NLGN1: variants seen among roughly 807,000 people sequenced by gnomAD.
NLGN1 encodes the protein neuroligin-1.
Under a neutral mutation model 65.5 loss-of-function variants are expected in NLGN1, and 12 were observed. That is an observed-to-expected ratio of 0.18 (90% CI 0.12 to 0.30). NLGN1 has a LOEUF of 0.30. Among genes scored for constraint, NLGN1 ranks in the 10% least tolerant of loss-of-function variants. The pLI, the probability that NLGN1 is intolerant of heterozygous loss-of-function variation, is 1.00. For synonymous variants in NLGN1, 350 were observed against 359.5 expected (o/e 0.97, Z 0.30); for missense variants, 750 against 1,007.1 (o/e 0.74, Z 3.46).
At chr3:173,919,840 C>T (rs1246046548) in intron 4 of NLGN1, among the ~76,000 whole-genome samples, 1 of 151,996 alleles carries the variant, frequency 6.6e-6, no homozygotes. Context: ...AGAGAAGACT[C>T]ATTTTTCTTT....
intron 3 of NLGN1, among the ~76,000 whole-genome samples, chr3:173,616,526 T>G (rs962856098): frequency 1.3e-5 from 2 of 152,200 alleles, no homozygotes; most frequent in African/African-American, 4.8e-5. Context: ...CCGCTGAAGA[T>G]GTAGGCTTCA....
chr3:173,772,598 A>G (rs1779740721), intron 3 of NLGN1, among the ~76,000 whole-genome samples: 1 of 152,176 alleles, frequency 6.6e-6, no homozygotes, highest in Non-Finnish European at 1.5e-5. Flanking sequence ...AGCCTGGGCA[A>G]CAGGAGTGAG....
chr3:173,462,853 G>T (rs899016656), intron 2 of NLGN1, among the ~76,000 whole-genome samples: 16 of 152,166 alleles, frequency 1.1e-4, no homozygotes, highest in African/African-American at 3.4e-4. Flanking sequence ...ACAAATTCAA[G>T]AAAAGGTGTT....
chr3:174,005,118 C>T (rs1724096291), intron 4 of NLGN1, among the ~76,000 whole-genome samples: 1 of 152,108 alleles, frequency 6.6e-6, no homozygotes, highest in South Asian at 2.1e-4. Flanking sequence ...TTTGCCTCTT[C>T]AATGTACCTT....
At chr3:173,673,964 G>A (rs926679006) in intron 3 of NLGN1, among the ~76,000 whole-genome samples, 3 of 152,094 alleles carry the variant, frequency 2.0e-5, no homozygotes, top group East Asian at 1.9e-4. Flanking sequence ...CTTGGAGTAC[G>A]CCCTGTGTAA....
At chr3:173,758,181 G>T (rs1777420792) in intron 3 of NLGN1, among the ~76,000 whole-genome samples, 1 of 152,144 alleles carries the variant, frequency 6.6e-6, no homozygotes, top group East Asian at 1.9e-4. Context: ...ACAGGAAGAA[G>T]ATGCCTGTCT....
rs540654926 is a variant in NLGN1, at chr3:174,187,592, A to G, written c.647-87723A>G. Among the ~76,000 whole-genome samples the G allele has an allele frequency of 1.6e-4, 25 of 152,220 alleles. No homozygotes were observed. The South Asian group carries it at 5.2e-3, about 32-fold the overall frequency. On this transcript the variant is annotated intron_variant, in intron 4 of 6. Coordinates refer to ENST00000457714, the Ensembl canonical transcript of NLGN1. ...TGTTGGATTTAGACATAGAAAATGC[A>G]AAGTCAAAATCTGAAAAGAAGAGTA...
intron 2 of NLGN1, among the ~76,000 whole-genome samples, chr3:173,547,565 A>G (rs559978423): frequency 3.1e-4 from 47 of 152,280 alleles, no homozygotes; most frequent in South Asian, 6.2e-4. Context: ...CAGATCTCCA[A>G]TGAACCACAC....
chr3:174,264,699 C>T (rs577465444), intron 4 of NLGN1, among the ~76,000 whole-genome samples: 1 of 151,926 alleles, frequency 6.6e-6, no homozygotes, highest in Non-Finnish European at 1.5e-5. Context: ...AGTCATTCTC[C>T]GTCCAGCTTT....
chr3:173,591,497 A>G (rs577727724), intron 2 of NLGN1, among the ~76,000 whole-genome samples: 1 of 152,132 alleles, frequency 6.6e-6, no homozygotes, highest in Non-Finnish European at 1.5e-5. Flanking sequence ...CTACTCCTTA[A>G]ACAATAGTCA....
chr3:173,937,149 G>A (rs1745212704), intron 4 of NLGN1, among the ~76,000 whole-genome samples: 1 of 152,022 alleles, frequency 6.6e-6, no homozygotes, highest in South Asian at 2.1e-4. Context: ...CCAAAAAGAT[G>A]TTTAGAAATG....
At chr3:174,092,563 T>G (rs1035592330) in intron 4 of NLGN1, among the ~76,000 whole-genome samples, 3 of 152,180 alleles carry the variant, frequency 2.0e-5, no homozygotes, top group African/African-American at 4.8e-5. Flanking sequence ...CATTCTGTTT[T>G]CTATTTTTGA....
intron 4 of NLGN1, among the ~76,000 whole-genome samples, chr3:174,266,080 C>T (rs1016920476): frequency 1.3e-5 from 2 of 148,390 alleles, no homozygotes; most frequent in Non-Finnish European, 3.0e-5. Context: ...ATTTTAGGTG[C>T]AGTGGCTATA....
intron 4 of NLGN1, among the ~76,000 whole-genome samples, chr3:174,255,495 T>G (rs1745549986): frequency 1.4e-5 from 2 of 138,596 alleles, no homozygotes; most frequent in South Asian, 2.4e-4. Flanking sequence ...CAGAGAGGAA[T>G]CTGTGAATGA....
chr3:174,275,294 T>C, intron 4 of NLGN1, 21 bp from the exon 5 acceptor site: 2 of 1,589,528 alleles, frequency 1.3e-6, no homozygotes, highest in Non-Finnish European at 1.7e-6. Flanking sequence ...AAAACGTGTT[T>C]TCTAAATTTA....
At chr3:173,970,688 A>G (rs563005407) in intron 4 of NLGN1, among the ~76,000 whole-genome samples, 4 of 152,170 alleles carry the variant, frequency 2.6e-5, no homozygotes, top group Non-Finnish European at 5.9e-5. Context: ...GCTTAAATCT[A>G]GGCCTTGTCA....
chr3:173,614,205 G>A (rs1163997038), intron 3 of NLGN1, among the ~76,000 whole-genome samples: 3 of 152,022 alleles, frequency 2.0e-5, no homozygotes, highest in Non-Finnish European at 4.4e-5. Flanking sequence ...AAGAGCAGGG[G>A]TAGAGGGATA....
chr3:173,512,077 T>C (rs918772668), intron 2 of NLGN1, among the ~76,000 whole-genome samples: 1 of 152,140 alleles, frequency 6.6e-6, no homozygotes, highest in Non-Finnish European at 1.5e-5. Context: ...GGCAGGCCCA[T>C]GGGAGTGTCC....
intron 4 of NLGN1, among the ~76,000 whole-genome samples, chr3:174,022,506 G>A (rs1347266977): frequency 1.3e-5 from 2 of 152,142 alleles, no homozygotes; most frequent in Non-Finnish European, 2.9e-5. Context: ...AGGAATCTCT[G>A]AAGTAGGTGT....
Sources: allele counts gnomAD v4.1 joint callset (sites outside exome capture counted in the v4.1 genomes callset), GRCh38; gene constraint gnomAD v4.1.1; transcripts MANE v1.5; gene names NCBI Gene and HGNC (gene_info 2026-07-23, HGNC 2026-07-21).